The following SPTLC1 variants were observed in gnomAD, a reference collection of about 807,000 sequenced individuals.
The protein encoded by SPTLC1 is serine palmitoyltransferase long chain base subunit 1.
In SPTLC1, 55 loss-of-function variants were observed where a neutral mutation model predicts 68.9. The ratio of observed to expected loss-of-function variants is 0.80; its 90% CI spans 0.64 to 1.00. The LOEUF is 1.00. Among genes scored for constraint, SPTLC1 ranks in the 50% least tolerant of loss-of-function variants. The pLI is 0.00. For missense variants in SPTLC1, 449 were observed against 573.1 expected (o/e 0.78, Z 2.21); for synonymous variants, 197 against 201.6 (o/e 0.98, Z 0.19).
At chr9:92,059,864 A>C (rs7858659) in intron 6 of SPTLC1, among the ~76,000 whole-genome samples, 43,259 of 151,970 alleles carry the variant, frequency 0.28, 9,134 homozygotes, top group African/African-American at 0.59. Flanking sequence ...AAGGCGACAC[A>C]CCTCCTAGGG....
chr9:92,059,276 C>A lies in SPTLC1; in HGVS notation c.593G>T (p.Gly198Val). Residue 198 changes from glycine (G) to valine (V), a missense_variant, in exon 7 of 15, where the codon GGA (glycine) becomes GTA (valine). Coordinates refer to ENST00000262554, the MANE Select transcript of SPTLC1 (RefSeq NM_006415.4). ...DRAACFAIQK[G>V]LQASRSDIKL... ...AATGTCACTACGGGATGCCTGTAAT[C>A]CTTTCTGAATAGCAAAGCAGGCAGC... The A allele has an allele frequency of 1.9e-6, 3 of 1,614,048 alleles. No individual in the cohort carries two copies. Among genetic ancestry groups the A allele is most frequent in the Non-Finnish European group, 2.5e-6 (3 of 1,179,982 alleles).
At chr9:92,034,925 A>C in intron 13 of SPTLC1, 42 bp from the exon 14 acceptor site, 1 of 1,519,418 alleles carries the variant, frequency 6.6e-7, no homozygotes, top group Non-Finnish European at 9.1e-7. Flanking sequence ...TGGACTTCAG[A>C]CATGGTGGTA....
intron 8 of SPTLC1, chr9:92,050,403 T>C (rs1351328505): frequency 1.3e-5 from 4 of 308,602 alleles, no homozygotes; most frequent in Non-Finnish European, 2.5e-5. Flanking sequence ...TTTGGACTTC[T>C]GTGCTTTTTG....
At chr9:92,047,492 G>C in intron 10 of SPTLC1, 121 bp downstream of exon 10, 1 of 767,432 alleles carries the variant, frequency 1.3e-6, no homozygotes, top group Admixed American at 2.4e-5. Context: ...TTTAAAAATT[G>C]ACATTTAAAT....
chr9:92,078,662 C>T (rs1440850215), intron 5 of SPTLC1, among the ~76,000 whole-genome samples: 1 of 152,190 alleles, frequency 6.6e-6, no homozygotes. Context: ...ACTACATTGC[C>T]CAGGCTAGTC....
chr9:92,105,207 C>T (rs1172601647), intron 3 of SPTLC1: 19 of 1,534,002 alleles, frequency 1.2e-5, no homozygotes, highest in African/African-American at 9.6e-5. Context: ...CAGCTGCAAC[C>T]GACCCCTCCC....
At chr9:92,057,392 T>C (rs1444614477) in intron 7 of SPTLC1, among the ~76,000 whole-genome samples, 3 of 152,222 alleles carry the variant, frequency 2.0e-5, no homozygotes, top group Non-Finnish European at 4.4e-5. Flanking sequence ...ACTTGGATCC[T>C]GGAATGTATC....
Position 92,115,313 on chromosome 9 carries a change from C to G in SPTLC1, c.57+1G>C. ...CGGACCGCTAATGGCGCGGAGCCCACCTCGTAAAGCGCCTGTACCATCTCC... is the reference window on the plus strand; with the variant it reads ...CGGACCGCTAATGGCGCGGAGCCCAGCTCGTAAAGCGCCTGTACCATCTCC... On this transcript the variant is annotated splice_donor_variant, in intron 1 of 14. Coordinates refer to ENST00000262554, the MANE Select transcript of SPTLC1 (RefSeq NM_006415.4). LOFTEE classifies it high-confidence loss of function. 6.2e-7 allele frequency: 1 copy of G among 1,611,956 alleles called. No individual in the cohort carries two copies. The highest frequency in any genetic ancestry group is 1.1e-5 in the South Asian group (1 of 91,010).
chr9:92,086,743 G>A (rs796620221), intron 3 of SPTLC1, among the ~76,000 whole-genome samples: 1 of 152,128 alleles, frequency 6.6e-6, no homozygotes, highest in Non-Finnish European at 1.5e-5. Flanking sequence ...TTCTCAAGGA[G>A]TATCTTTGTG....
intron 8 of SPTLC1, among the ~76,000 whole-genome samples, chr9:92,053,641 C>T (rs987225244): frequency 6.6e-6 from 1 of 152,078 alleles, no homozygotes; most frequent in Admixed American, 6.5e-5. Flanking sequence ...TTAAAAACAT[C>T]AAGTGAATGA....
At chr9:92,073,964 CCT>C (rs1443634100) in intron 5 of SPTLC1, among the ~76,000 whole-genome samples, 4 of 152,234 alleles carry the variant, frequency 2.6e-5, no homozygotes, top group African/African-American at 9.6e-5. Flanking sequence ...AAGCCATGCC[CCT>C]GTGTGGGCCC....
chr9:92,068,983 A>C (rs758480765), intron 5 of SPTLC1, among the ~76,000 whole-genome samples: 12 of 152,182 alleles, frequency 7.9e-5, no homozygotes, highest in Non-Finnish European at 1.5e-4. Flanking sequence ...ACCCTGGAGG[A>C]CTAGATAACA....
chr9:92,089,160 C>T (rs1835265238), intron 3 of SPTLC1, among the ~76,000 whole-genome samples: 1 of 152,112 alleles, frequency 6.6e-6, no homozygotes, highest in Non-Finnish European at 1.5e-5. Context: ...CCTGTAATCC[C>T]AGCACTTTGG....
chr9:92,072,185 A>G (rs183033191), intron 5 of SPTLC1, among the ~76,000 whole-genome samples: 2 of 151,778 alleles, frequency 1.3e-5, no homozygotes, highest in East Asian at 2.0e-4. Flanking sequence ...CCTCTCCCCT[A>G]TCCTCCCCAC....
At chr9:92,070,515 C>A (rs1834439627) in intron 5 of SPTLC1, among the ~76,000 whole-genome samples, 1 of 152,226 alleles carries the variant, frequency 6.6e-6, no homozygotes, top group African/African-American at 2.4e-5. Flanking sequence ...TGCCTCCGCA[C>A]ACCTCACAGC....
intron 5 of SPTLC1, among the ~76,000 whole-genome samples, chr9:92,078,501 C>T (rs1834762496): frequency 6.6e-6 from 1 of 152,198 alleles, no homozygotes; most frequent in Admixed American, 6.5e-5. Context: ...CTCTGTCATC[C>T]AGGCTGAATT....
rs772072830 is a variant in SPTLC1, at chr9:92,050,084, C to T, written c.781-17G>A. ...TAACTTAACCTAAGTGTTATATAAA[C>T]GTTAAAATACTAATGATTAGCACCA... On this transcript the variant is annotated splice_polypyrimidine_tract_variant and intron_variant, in intron 8 of 14. Transcript: ENST00000262554. The T allele has an allele frequency of 3.3e-5, 48 of 1,445,816 alleles. No homozygotes were observed. In the East Asian group the frequency reaches 5.9e-4, roughly 18 times the overall value. The allele number at this position is 1,445,816 out of a possible 1,614,324, so 89.6% of individuals were successfully genotyped here. A position where few individuals can be genotyped will look rare whatever the true frequency, so the allele number is the denominator to read the frequency against.
At chr9:92,076,923 T>C (rs1294019815) in intron 5 of SPTLC1, 1 of 152,176 alleles carries the variant, frequency 6.6e-6, no homozygotes, top group Non-Finnish European at 1.5e-5. Context: ...TTGGTCTCCC[T>C]ACTTCCATAC....
At chr9:92,094,869 C>T (rs913892236) in intron 3 of SPTLC1, among the ~76,000 whole-genome samples, 4 of 152,146 alleles carry the variant, frequency 2.6e-5, no homozygotes, top group Admixed American at 6.6e-5. Context: ...ACAGTAAGCC[C>T]GCCACCACGA....
Sources: allele counts gnomAD v4.1 joint callset (sites outside exome capture counted in the v4.1 genomes callset), GRCh38; gene constraint gnomAD v4.1.1; transcripts MANE v1.5; gene names NCBI Gene and HGNC (gene_info 2026-07-23, HGNC 2026-07-21).